Variants in SLC16A3 observed in about 807,000 individuals in gnomAD.
SLC16A3 encodes solute carrier family 16 member 3, also known as monocarboxylate transporter 4.
Under a neutral mutation model 25.0 loss-of-function variants are expected in SLC16A3, and 22 were observed. The observed-to-expected ratio is 0.88, with a 90% CI of 0.63 to 1.26. The LOEUF is 1.26. SLC16A3 is among the 50% of genes most tolerant of loss of function. The pLI is 0.00. For missense variants in SLC16A3, 731 were observed against 666.6 expected, an observed-to-expected ratio of 1.10 and a Z score of -1.06; for synonymous variants, 390 against 309.2, an observed-to-expected ratio of 1.26 and a Z score of -2.74.
chr17:82,237,012 G>T, intron 3 of SLC16A3, 126 bp from the exon 4 acceptor site: 1 of 1,455,748 alleles, frequency 6.9e-7, no homozygotes. Flanking sequence ...TCCCCCTCTC[G>T]AGTGGGTGGG....
chr17:82,238,982 TGGGCG>T lies in SLC16A3; in HGVS notation c.*11_*15del, dbSNP rs1057382289. 6.6e-7 allele frequency: 1 copy of T among 1,511,594 alleles called. No individual in the cohort carries two copies. The allele number at this position is 1,511,594 out of a possible 1,614,324, so 93.6% of individuals were successfully genotyped here. On this transcript the variant is annotated 3_prime_UTR_variant, in exon 5 of 5. Transcript: ENST00000582743. ...CCCCGGAAACAAGTGTCTGAGTGGC[TGGGCG>T]GGGCCGGCAGGCACAGGGAGGAGGT...
In SLC16A3 at chr17:82,237,718, C is replaced by T. The variant is rs375600869; in HGVS notation, c.948C>T (p.Gly316=). 8.2e-5 allele frequency: 132 copies of T among 1,611,502 alleles called. No homozygotes were observed. Among genetic ancestry groups the T allele is most frequent in the Admixed American group, 1.5e-4 (9 of 59,976 alleles). ...CGGACCTGGCGGGTTCTACGGCGGGCGACTACGGCGGCCTCGTGGTCTTCT... is the reference window on the plus strand; with the variant it reads ...CGGACCTGGCGGGTTCTACGGCGGGTGACTACGGCGGCCTCGTGGTCTTCT... ...GLADLAGSTA[G]DYGGLVVFCI... is the part of the protein sequence containing the mutation. Residue 316 remains glycine (G), a synonymous_variant, in exon 4 of 5, where the codon GGC becomes GGT. Transcript: ENST00000582743.
rs780015175 is a variant in SLC16A3, at chr17:82,236,711, A to T, written c.224-18A>T. The T allele has an allele frequency of 6.9e-6, 11 of 1,598,666 alleles. No individual in the cohort carries two copies. The highest frequency in any genetic ancestry group is 8.5e-6 in the Non-Finnish European group (10 of 1,176,348). On this transcript the variant is annotated intron_variant, in intron 2 of 4. Transcript: ENST00000582743. The stretch of plus-strand genomic sequence containing the variant: ...GCTGGCTGCAGGCCCGGCCCCTCTC[A>T]GCTGCTGCCCTCTCCAGGTCCGCTC...
rs2050628976 is a variant in SLC16A3, at chr17:82,237,317, C to T, written c.547C>T (p.Leu183=). 8.4e-6 allele frequency: 13 copies of T among 1,545,280 alleles called. No individual in the cohort carries two copies. The East Asian group carries it at 2.7e-4, about 32-fold the overall frequency. ...RYGWRGGFLI[L]GGLLLNCCVC... Reference sequence around the variant, plus strand: ...CGGCTGGCGGGGCGGCTTCCTCATCCTGGGCGGCCTGCTGCTCAACTGCTG... The same window carrying T: ...CGGCTGGCGGGGCGGCTTCCTCATCTTGGGCGGCCTGCTGCTCAACTGCTG... The change falls in exon 4 of 5, where the codon CTG becomes TTG. Residue 183 remains leucine (L), a synonymous_variant. Transcript: ENST00000582743.
chr17:82,229,282 G>C (rs1273876479), intron 1 of SLC16A3, 176 bp downstream of exon 1: 1 of 152,136 alleles, frequency 6.6e-6, no homozygotes, highest in African/African-American at 2.4e-5. Flanking sequence ...GCCCCACCGA[G>C]GGCTCCCGAG....
chr17:82,224,852 A>G (rs1188075176), upstream of SLC16A3, among the ~76,000 whole-genome samples: 1 of 152,128 alleles, frequency 6.6e-6, no homozygotes, highest in East Asian at 1.9e-4. Flanking sequence ...TACACCATGC[A>G]TCACACCCAA....
chr17:82,220,018 T>C (rs2050379686), intron 1 of SLC16A3, among the ~76,000 whole-genome samples: 1 of 151,980 alleles, frequency 6.6e-6, no homozygotes, highest in South Asian at 2.1e-4. Flanking sequence ...GGGGGGCCCT[T>C]TCACAGCAGG....
In SLC16A3 at chr17:82,238,614, T is replaced by C. The variant is rs73999816; in HGVS notation, c.1124-88T>C. 1,013 of 1,360,360 alleles carry C rather than the reference T, an allele frequency of 7.4e-4. 5 individuals carry two copies. The African/African-American group carries it at 0.012, about 16-fold the overall frequency. 84.3% of individuals were successfully genotyped at this position (1,360,360 alleles called of 1,614,324 possible). A position where few individuals can be genotyped will look rare whatever the true frequency, so the allele number is the denominator to read the frequency against. On this transcript the variant is annotated intron_variant, in intron 4 of 4. Coordinates refer to ENST00000582743, the MANE Select transcript of SLC16A3 (RefSeq NM_004207.4). ...GGCAGACAGGGTGACCCTTGCGTGC[T>C]GAGACACCGAGACACAGGCTTGGGT...
At chr17:82,233,737 C>G (rs889982512) in intron 1 of SLC16A3, 3 of 152,290 alleles carry the variant, frequency 2.0e-5, no homozygotes, top group Non-Finnish European at 4.4e-5. Flanking sequence ...ACTTGCAACC[C>G]CAAACAAGCT....
upstream of SLC16A3, among the ~76,000 whole-genome samples, chr17:82,227,553 G>T (rs1342056176): frequency 6.8e-6 from 1 of 146,028 alleles, no homozygotes; most frequent in East Asian, 2.0e-4. Flanking sequence ...CTGATGAATC[G>T]CCTGGTGCAG....
In SLC16A3 at chr17:82,237,087, C is replaced by T. The variant is rs543674859; in HGVS notation, c.368-51C>T. On this transcript the variant is annotated intron_variant, in intron 3 of 4. Transcript: ENST00000582743. The stretch of plus-strand genomic sequence containing the variant: ...AACCTGGGGGCAGAGATGAGGGTCT[C>T]GGGCTTTGGGGCAGCCTTGGGGGGC... 7.9e-5 allele frequency: 116 copies of T among 1,466,666 alleles called. No homozygotes were observed. In the East Asian group the frequency reaches 2.5e-3, roughly 31 times the overall value. The allele number at this position is 1,466,666 out of a possible 1,614,324, so 90.9% of individuals were successfully genotyped here. A position where few individuals can be genotyped will look rare whatever the true frequency, so the allele number is the denominator to read the frequency against.
Position 82,237,757 on chromosome 17 carries a change from C to T in SLC16A3, c.987C>T (p.Gly329=), listed in dbSNP as rs2050647455. The T allele has an allele frequency of 5.6e-6, 9 of 1,612,078 alleles. No homozygotes were observed. In the East Asian group the frequency reaches 1.6e-4, roughly 28 times the overall value. The change falls in exon 4 of 5, where the codon GGC becomes GGT. Residue 329 remains glycine (G), a synonymous_variant. Coordinates refer to ENST00000582743, the MANE Select transcript of SLC16A3 (RefSeq NM_004207.4). ...GGLVVFCIFF[G]ISYGMVGALQ... The stretch of plus-strand genomic sequence containing the variant: ...TCGTGGTCTTCTGCATCTTCTTTGG[C>T]ATCTCCTACGGCATGGTGGGGGCCC...
At chr17:82,238,661 A>G (rs2050681630) in intron 4 of SLC16A3, 41 bp from the exon 5 acceptor site, 1 of 1,569,902 alleles carries the variant, frequency 6.4e-7, no homozygotes, top group South Asian at 1.2e-5. Context: ...CCCTGGGGGC[A>G]GCCCGCATGA....
At chr17:82,227,581 C>A (rs1416647001), upstream of SLC16A3, among the ~76,000 whole-genome samples, 1 of 141,812 alleles carries the variant, frequency 7.1e-6, no homozygotes, top group South Asian at 2.2e-4. Context: ...GGAGCACCAC[C>A]TGCCCTGGGC....
rs1031439166 is a variant in SLC16A3 at position 82,239,711 on chromosome 17, G to C, written c.*735G>C. 6.5e-5 allele frequency: 24 copies of C among 368,294 alleles called. No homozygotes were observed. In the South Asian group the frequency reaches 3.5e-3, roughly 54 times the overall value. The allele number at this position is 368,294 out of a possible 1,614,324, so 22.8% of individuals were successfully genotyped here. A position where few individuals can be genotyped will look rare whatever the true frequency, so the allele number is the denominator to read the frequency against. On this transcript the variant is annotated 3_prime_UTR_variant, in exon 5 of 5. Transcript: ENST00000582743. The stretch of plus-strand genomic sequence containing the variant: ...ATGTGCCAGGGAGCCCCTACGTGGT[G>C]GTTAGATGGGAGCTGAGGTGGAACA...
At chr17:82,221,157 A>T (rs2050386992) in intron 1 of SLC16A3, among the ~76,000 whole-genome samples, 1 of 152,218 alleles carries the variant, frequency 6.6e-6, no homozygotes, top group African/African-American at 2.4e-5. Flanking sequence ...AAGCAACATA[A>T]GAAACAAAGA....
chr17:82,237,319 G>A lies in SLC16A3; in HGVS notation c.549G>A (p.Leu183=). The A allele has an allele frequency of 6.5e-7, 1 of 1,545,710 alleles. No individual in the cohort carries two copies. The highest frequency in any genetic ancestry group is 8.7e-7 in the Non-Finnish European group (1 of 1,144,920). The part of the protein sequence containing the change: ...RYGWRGGFLI[L]GGLLLNCCVC... ...GCTGGCGGGGCGGCTTCCTCATCCT[G>A]GGCGGCCTGCTGCTCAACTGCTGCG... Residue 183 remains leucine, a synonymous_variant, in exon 4 of 5, where the codon CTG becomes CTA. Transcript: ENST00000582743.
intron 1 of SLC16A3, among the ~76,000 whole-genome samples, chr17:82,222,076 G>A (rs2050392135): frequency 6.6e-6 from 1 of 150,900 alleles, no homozygotes; most frequent in African/African-American, 2.4e-5. Flanking sequence ...GCCTCGCCCT[G>A]GGACCCCCAA....
upstream of SLC16A3, among the ~76,000 whole-genome samples, chr17:82,228,810 G>A (rs2050446818): frequency 6.6e-6 from 1 of 151,924 alleles, no homozygotes; most frequent in South Asian, 2.1e-4. Flanking sequence ...CAGAGGGGGC[G>A]GGCCAGCTCC....
Sources: allele counts gnomAD v4.1 joint callset (sites outside exome capture counted in the v4.1 genomes callset), GRCh38; gene constraint gnomAD v4.1.1; transcripts MANE v1.5; gene names NCBI Gene and HGNC (gene_info 2026-07-23, HGNC 2026-07-21).